Variants in MAPK14 observed in about 807,000 individuals in gnomAD.
The protein encoded by MAPK14 is mitogen-activated protein kinase 14, also known as CSAID-binding protein.
In MAPK14, 16 loss-of-function variants were observed where a neutral mutation model predicts 49.6. That is an observed-to-expected ratio of 0.32 (90% confidence interval 0.22 to 0.49). The LOEUF (loss-of-function observed/expected upper bound fraction) is 0.49, where lower values mean the gene tolerates loss of function less well. Among genes scored for constraint, MAPK14 ranks in the 20% least tolerant of loss-of-function variants. MAPK14 has a pLI of 0.99. For missense variants in MAPK14, 200 were observed against 441.2 expected, an observed-to-expected ratio of 0.45 and a Z score of 4.90; for synonymous variants, 142 against 158.0, an observed-to-expected ratio of 0.90 and a Z score of 0.76.
intron 1 of MAPK14, among the ~76,000 whole-genome samples, chr6:36,050,128 C>CTT (rs1763336691): frequency 6.6e-6 from 1 of 152,310 alleles, no homozygotes; most frequent in Non-Finnish European, 1.5e-5. Context: ...TACAGTCTTT[C>CTT]TTGTTCAACC....
intron 1 of MAPK14, among the ~76,000 whole-genome samples, chr6:36,041,334 C>T (rs1276324553): frequency 2.0e-5 from 3 of 150,638 alleles, no homozygotes; most frequent in Non-Finnish European, 3.0e-5. Context: ...TCTTTTCTTT[C>T]TGCTCCATGA....
chr6:36,100,094 G>A, intron 9 of MAPK14: 2 of 849,510 alleles, frequency 2.4e-6, no homozygotes, highest in East Asian at 2.5e-5. Context: ...TTTTTTGTCT[G>A]TTTGGGGGTG....
intron 1 of MAPK14, among the ~76,000 whole-genome samples, chr6:36,034,737 G>T (rs553940304): frequency 6.6e-6 from 1 of 151,726 alleles, no homozygotes; most frequent in Admixed American, 6.6e-5. Flanking sequence ...GGCACAACTC[G>T]TTTTATTATG....
Position 36,073,589 on chromosome 6 carries a change from A to G in MAPK14, c.418-102A>G, listed in dbSNP as rs569617396. The G allele has an allele frequency of 8.2e-5, 69 of 837,298 alleles. No individual in the cohort carries two copies. In the African/African-American group the frequency reaches 9.0e-4, roughly 11 times the overall value. The allele number at this position is 837,298 out of a possible 1,614,324, so 51.9% of individuals were successfully genotyped here. On this transcript the variant is annotated intron_variant, in intron 4 of 11. Transcript: ENST00000229794. ...ATGCTGATTTCTAATCTTACTATTA[A>G]CACTAGCAGTTCTTACTGATTCATG...
At chr6:36,094,539 A>T (rs1442649210) in intron 8 of MAPK14, among the ~76,000 whole-genome samples, 1 of 152,270 alleles carries the variant, frequency 6.6e-6, no homozygotes, top group Non-Finnish European at 1.5e-5. Context: ...ACAGGATGTC[A>T]AATTACTGCA....
chr6:36,091,203 C>T (rs1765214106), intron 8 of MAPK14, among the ~76,000 whole-genome samples: 1 of 151,602 alleles, frequency 6.6e-6, no homozygotes, highest in African/African-American at 2.4e-5. Flanking sequence ...TAGAATATCC[C>T]TCTTTTACTT....
In MAPK14 at chr6:36,108,347, T is replaced by G. The variant is rs762870380; in HGVS notation, c.1016-33T>G. On this transcript the variant is annotated intron_variant, in intron 11 of 11. Transcript: ENST00000229794. ...TGCCAGCAAAGAGAATAGCCTAAAC[T>G]CTCACATCTTACTTTTCCTTCCCAA... The G allele has an allele frequency of 9.1e-6, 14 of 1,534,380 alleles. No homozygotes were observed. The South Asian group carries it at 1.5e-4, about 16-fold the overall frequency.
At position 36,107,707 on chromosome 6, in the gene MAPK14, C is replaced by A. The variant is rs1765840548; in HGVS notation, c.1015+79C>A. 1 of 1,073,534 alleles carries A rather than the reference C, an allele frequency of 9.3e-7. No individual in the cohort carries two copies. Among genetic ancestry groups the A allele is most frequent in the South Asian group, 2.1e-5 (1 of 48,102 alleles). 66.5% of individuals were successfully genotyped at this position (1,073,534 alleles called of 1,614,324 possible). ...AAAAATAAAAACTGAATGGTCATAA[C>A]CAACTTGCTAAAGCTTGTAGATGAG... On this transcript the variant is annotated intron_variant, in intron 11 of 11. Coordinates refer to ENST00000229794, the MANE Select transcript of MAPK14 (RefSeq NM_139012.3). The surrounding 1 kb of genome is among the most constrained non-coding windows in gnomAD (Gnocchi z 4.3).
chr6:36,097,236 C>A (rs1349490716), intron 9 of MAPK14: 5 of 152,152 alleles, frequency 3.3e-5, no homozygotes, highest in African/African-American at 1.2e-4. Context: ...AAGCAAAAGC[C>A]CAGAAGGGCA....
downstream of MAPK14, among the ~76,000 whole-genome samples, chr6:36,113,208 G>A (rs1294549461): frequency 6.6e-6 from 1 of 152,038 alleles, no homozygotes; most frequent in African/African-American, 2.4e-5. Flanking sequence ...AGGTGTGGTG[G>A]TGCATGCCTT....
At position 36,028,153 on chromosome 6, in the gene MAPK14, G is replaced by A. The variant is rs554062521; in HGVS notation, c.-5G>A. On this transcript the variant is annotated 5_prime_UTR_variant, in exon 1 of 12. Transcript: ENST00000229794. The surrounding 1 kb of genome is among the most constrained non-coding windows in gnomAD (Gnocchi z 5.1). Reference sequence around the variant, plus strand: ...ACCTTCTTGCCCGGCGGCTGCCGCTGGAAAATGTCTCAGGAGAGGCCCACG... The same window carrying A: ...ACCTTCTTGCCCGGCGGCTGCCGCTAGAAAATGTCTCAGGAGAGGCCCACG... The A allele has an allele frequency of 2.6e-5, 42 of 1,608,704 alleles. No individual in the cohort carries two copies. The South Asian group carries it at 4.5e-4, about 17-fold the overall frequency.
intron 6 of MAPK14, among the ~76,000 whole-genome samples, chr6:36,075,479 T>G (rs1463208156): frequency 6.6e-6 from 1 of 152,208 alleles, no homozygotes; most frequent in Non-Finnish European, 1.5e-5. Context: ...AATAGTATTT[T>G]GTTTTATGAA....
At chr6:36,092,012 CAG>C (rs754329259) in intron 8 of MAPK14, 2 of 411,154 alleles carry the variant, frequency 4.9e-6, no homozygotes, top group Non-Finnish European at 9.5e-6. Flanking sequence ...ACGGGCACTT[CAG>C]ATGGCTTCAC....
the MAPK14 span, among the ~76,000 whole-genome samples, chr6:36,123,004 T>G: frequency 6.6e-6 from 1 of 151,648 alleles, no homozygotes; most frequent in Admixed American, 6.6e-5. Context: ...GGGAGAGGGA[T>G]ATGCACAGGG....
chr6:36,074,719 G>C (rs1299225559), intron 6 of MAPK14, among the ~76,000 whole-genome samples: 1 of 151,630 alleles, frequency 6.6e-6, no homozygotes, highest in Non-Finnish European at 1.5e-5. Context: ...GGGTTCAAGC[G>C]ATTCTCCTGC....
At chr6:36,077,069 T>G (rs535713915) in intron 8 of MAPK14, among the ~76,000 whole-genome samples, 1 of 152,200 alleles carries the variant, frequency 6.6e-6, no homozygotes, top group Non-Finnish European at 1.5e-5. Flanking sequence ...TTGTTATGTT[T>G]GTTGTTTGAC....
Position 36,110,926 on chromosome 6 carries a change from T to G in MAPK14, c.*2479T>G, listed in dbSNP as rs184525005. The stretch of plus-strand genomic sequence containing the variant: ...ATAAAGCTTCTTAGTTGTACATTTT[T>G]TGGTGAAGAGTATCCAGGTCTTTGC... On this transcript the variant is annotated 3_prime_UTR_variant, in exon 12 of 12. Coordinates refer to ENST00000229794, the MANE Select transcript of MAPK14 (RefSeq NM_139012.3). 1 of 152,198 alleles carries G rather than the reference T, an allele frequency of 6.6e-6. No homozygotes were observed. The highest frequency in any genetic ancestry group is 2.4e-5 in the African/African-American group (1 of 41,454). The allele number at this position is 152,198 out of a possible 1,614,324, so 9.4% of individuals were successfully genotyped here.
In MAPK14 at chr6:36,027,817, T is replaced by C. The variant is rs1006384800; in HGVS notation, c.-341T>C. On this transcript the variant is annotated 5_prime_UTR_variant, in exon 1 of 12. Transcript: ENST00000229794. ...TCTTGGAACCGCGACCACTGGAGCC[T>C]TAGCGGGCGCAGCAGCTGGAACGGG... The C allele has an allele frequency of 2.5e-5, 10 of 400,688 alleles. No individual in the cohort carries two copies. Among genetic ancestry groups the C allele is most frequent in the Admixed American group, 1.8e-4 (4 of 22,722 alleles). 24.8% of individuals were successfully genotyped at this position (400,688 alleles called of 1,614,324 possible).
chr6:36,067,637 A>G (rs1323937324), intron 3 of MAPK14, among the ~76,000 whole-genome samples: 1 of 152,148 alleles, frequency 6.6e-6, no homozygotes, highest in Non-Finnish European at 1.5e-5. Flanking sequence ...GGCATCTTTT[A>G]GTAATCTTTG....
Sources: gnomAD v4.1 joint callset for allele counts (sites outside exome capture counted in the v4.1 genomes callset) on GRCh38, gnomAD v4.1.1 for gene constraint, Gnocchi (gnomAD v3.1) non-coding constraint, MANE v1.5 for transcripts, NCBI Gene and HGNC (gene_info 2026-07-23, HGNC 2026-07-21) for gene names.